CAMTA1: variants seen among roughly 807,000 people sequenced by gnomAD.
The protein encoded by CAMTA1 is calmodulin-binding transcription activator 1.
In CAMTA1, 27 loss-of-function variants were observed where a neutral mutation model predicts 170.9. The observed-to-expected ratio is 0.16, with a 90% CI of 0.12 to 0.22. The LOEUF is 0.22. Ranked by LOEUF, CAMTA1 falls within the 10% of genes least tolerant of loss-of-function variation. The pLI, the probability that CAMTA1 is intolerant of heterozygous loss-of-function variation, is 1.00. For missense variants in CAMTA1, 1,619 were observed against 2,217.2 expected (o/e 0.73, Z 5.42); for synonymous variants, 833 against 891.5 (o/e 0.93, Z 1.17).
At chr1:7,492,908 C>T (rs2093742908) in intron 6 of CAMTA1, among the ~76,000 whole-genome samples, 1 of 149,944 alleles carries the variant, frequency 6.7e-6, no homozygotes, top group Non-Finnish European at 1.5e-5. Flanking sequence ...TACACACGTG[C>T]ACACACACAA....
chr1:6,902,055 AC>A (rs1677068070), intron 3 of CAMTA1, among the ~76,000 whole-genome samples: 1 of 103,090 alleles, frequency 9.7e-6, no homozygotes, highest in Non-Finnish European at 2.1e-5. Flanking sequence ...ACACACACAC[AC>A]ACACACACAC....
intron 6 of CAMTA1, 117 bp downstream of exon 6, chr1:7,468,018 A>G: frequency 2.4e-6 from 2 of 822,362 alleles, no homozygotes; most frequent in East Asian, 2.4e-5. Flanking sequence ...AGCCCTGGTG[A>G]GCTTGCCTAG....
Position 7,736,802 on chromosome 1 carries a change from C to T in CAMTA1, c.3264-129C>T. On this transcript the variant is annotated intron_variant, in intron 13 of 22. Transcript: ENST00000303635. The surrounding 1 kb of genome is among the most constrained non-coding windows in gnomAD (Gnocchi z 4.5). ...ATGGAGCGTCCACACTGCCCTGGGA[C>T]TCTGTTTCTTCACCATGGGGATGTT... 1 of 795,532 alleles carries T rather than the reference C, an allele frequency of 1.3e-6. No individual in the cohort carries two copies. The highest frequency in any genetic ancestry group is 2.1e-6 in the Non-Finnish European group (1 of 477,916). 49.3% of individuals were successfully genotyped at this position (795,532 alleles called of 1,614,324 possible).
Position 7,737,515 on chromosome 1 carries a change from C to T in CAMTA1, c.3603C>T (p.Ala1201=), listed in dbSNP as rs762895447. The stretch of plus-strand genomic sequence containing the variant: ...GGATGGCCCAGTGGCACAGCGAAGC[C>T]ATCAGCTCTCCAGAAATACCCAAGG... ...ESWMAQWHSE[A]ISSPEIPKGV... Residue 1201 remains alanine, a synonymous_variant, in exon 15 of 23, where the codon GCC becomes GCT. Coordinates refer to ENST00000303635, the MANE Select transcript of CAMTA1 (RefSeq NM_015215.4). The T allele has an allele frequency of 1.2e-6, 2 of 1,614,088 alleles. No homozygotes were observed. The highest frequency in any genetic ancestry group is 3.3e-5 in the Admixed American group (2 of 60,024).
chr1:7,157,180 A>G (rs1187886794), intron 4 of CAMTA1, among the ~76,000 whole-genome samples: 2 of 151,704 alleles, frequency 1.3e-5, no homozygotes, highest in Non-Finnish European at 2.9e-5. Flanking sequence ...CATCTCTACT[A>G]AAAATACAAA....
At chr1:7,124,335 C>T (rs923297611) in intron 4 of CAMTA1, among the ~76,000 whole-genome samples, 3 of 152,208 alleles carry the variant, frequency 2.0e-5, no homozygotes, top group African/African-American at 7.2e-5. Flanking sequence ...CCTGCACACA[C>T]ACTGTCCCTC....
At chr1:7,297,597 C>T (rs1465644704) in intron 5 of CAMTA1, among the ~76,000 whole-genome samples, 9 of 152,226 alleles carry the variant, frequency 5.9e-5, no homozygotes, top group African/African-American at 2.2e-4. Flanking sequence ...TCACAGGGTA[C>T]CTCCAGGCAG....
intron 6 of CAMTA1, among the ~76,000 whole-genome samples, chr1:7,598,463 G>T (rs1434490224): frequency 6.6e-6 from 1 of 152,208 alleles, no homozygotes; most frequent in African/African-American, 2.4e-5. Flanking sequence ...TAATGGGATG[G>T]TTGGGTCAAA....
chr1:7,716,144 C>G (rs934741513), intron 11 of CAMTA1, among the ~76,000 whole-genome samples: 1 of 152,130 alleles, frequency 6.6e-6, no homozygotes, highest in Admixed American at 6.5e-5. Context: ...GTGATCCCCC[C>G]ATCTCAGCCT....
At position 7,607,399 on chromosome 1, in the gene CAMTA1, G is replaced by GTGGATGGA. The variant is rs146308752; in HGVS notation, c.511-32982_511-32975dup. ...GATGGATGGGTGAATAGGTGGACTG[G>GTGGATGGA]TGGATGGATGGATGGATGGATGGAT... On this transcript the variant is annotated intron_variant, in intron 6 of 22. Transcript: ENST00000303635. Among the ~76,000 whole-genome samples the GTGGATGGA allele has an allele frequency of 8.4e-3, 1,215 of 144,284 alleles. 10 individuals carry two copies. Among genetic ancestry groups the GTGGATGGA allele is most frequent in the African/African-American group, 0.03 (1,140 of 38,594 alleles). 94.7% of individuals were successfully genotyped at this position (144,284 alleles called of 152,430 possible).
At chr1:7,131,810 C>G (rs1462024017) in intron 4 of CAMTA1, among the ~76,000 whole-genome samples, 1 of 152,122 alleles carries the variant, frequency 6.6e-6, no homozygotes, top group Non-Finnish European at 1.5e-5. Context: ...AATCCCAGCA[C>G]TTAGGGAGGC....
chr1:6,892,750 A>C (rs1323441836), intron 3 of CAMTA1, among the ~76,000 whole-genome samples: 1 of 151,936 alleles, frequency 6.6e-6, no homozygotes, highest in African/African-American at 2.4e-5. Context: ...ACAGCATCTC[A>C]GGTAACTTTT....
chr1:7,326,707 GC>G, intron 5 of CAMTA1, among the ~76,000 whole-genome samples: 1 of 152,324 alleles, frequency 6.6e-6, no homozygotes, highest in Admixed American at 6.5e-5. Flanking sequence ...ACATGGCCCT[GC>G]CAGCACCTTG....
At chr1:7,458,920 T>A (rs1557749979) in intron 5 of CAMTA1, among the ~76,000 whole-genome samples, 1 of 152,254 alleles carries the variant, frequency 6.6e-6, no homozygotes, top group Non-Finnish European at 1.5e-5. Context: ...TTAAAGCAAT[T>A]CACTATTTAA....
At chr1:7,053,420 A>T (rs919530690) in intron 3 of CAMTA1, among the ~76,000 whole-genome samples, 36 of 152,320 alleles carry the variant, frequency 2.4e-4, no homozygotes, top group Admixed American at 2.2e-3. Context: ...GGTCTCCTGC[A>T]TCACTCCTGC....
chr1:6,955,798 C>T lies in CAMTA1; in HGVS notation c.234+130588C>T, dbSNP rs1046366402. 1.1e-4 allele frequency among the ~76,000 whole-genome samples: 16 copies of T among 152,200 alleles called. No homozygotes were observed. In the East Asian group the frequency reaches 1.7e-3, roughly 17 times the overall value. ...GGAGCAAGAAGCCATTTGGATGGGG[C>T]AGAGGTCAGCTGCCAGGACTGTGTG... On this transcript the variant is annotated intron_variant, in intron 3 of 22. Coordinates refer to ENST00000303635, the MANE Select transcript of CAMTA1 (RefSeq NM_015215.4).
rs1259719261 is a variant in CAMTA1 at position 7,642,578 on chromosome 1, G to A, written c.664+2025G>A. Among the ~76,000 whole-genome samples, 2 of 152,160 alleles carry A rather than the reference G, an allele frequency of 1.3e-5. No homozygotes were observed. The highest frequency in any genetic ancestry group is 2.9e-5 in the Non-Finnish European group (2 of 68,010). On this transcript the variant is annotated intron_variant, in intron 7 of 22. Transcript: ENST00000303635. This position sits in a 1 kb window ranked among gnomAD's most constrained non-coding sequence, Gnocchi z 6.3. ...GGTCCTGCCTAGACCCCGCCCCAGG[G>A]GGCCTACTGATACTTTCTCTGCCGC...
At chr1:7,121,619 T>C (rs1472190097) in intron 4 of CAMTA1, among the ~76,000 whole-genome samples, 3 of 151,996 alleles carry the variant, frequency 2.0e-5, no homozygotes, top group African/African-American at 7.3e-5. Context: ...TATGGGGAGG[T>C]CAGATCACCT....
chr1:7,439,092 C>T (rs925021161), intron 5 of CAMTA1, among the ~76,000 whole-genome samples: 2 of 152,146 alleles, frequency 1.3e-5, no homozygotes, highest in African/African-American at 4.8e-5. Context: ...TGGGGGGCTG[C>T]AGGCCCAGAG....
Sources: gnomAD v4.1 joint callset for allele counts (sites outside exome capture counted in the v4.1 genomes callset) on GRCh38, gnomAD v4.1.1 for gene constraint, Gnocchi (gnomAD v3.1) non-coding constraint, MANE v1.5 for transcripts, NCBI Gene and HGNC (gene_info 2026-07-23, HGNC 2026-07-21) for gene names.